LUZP2: variants seen among roughly 807,000 people sequenced by gnomAD.
LUZP2 encodes leucine zipper protein 2.
LUZP2 carries 52 observed loss-of-function variants against 51.6 expected under a neutral mutation model. The ratio of observed to expected loss-of-function variants is 1.01; its 90% CI spans 0.81 to 1.27. The LOEUF (loss-of-function observed/expected upper bound fraction) is 1.27. Ranked by LOEUF, LUZP2 falls within the 50% of genes most tolerant of loss-of-function variation. The pLI, the probability that LUZP2 is intolerant of heterozygous loss-of-function variation, is 0.00. For missense variants in LUZP2, 436 were observed against 395.4 expected (o/e 1.10, Z -0.87); for synonymous variants, 154 against 137.3 (o/e 1.12, Z -0.85).
At chr11:24,772,181 A>G (rs898983523) in intron 5 of LUZP2, among the ~76,000 whole-genome samples, 1 of 152,202 alleles carries the variant, frequency 6.6e-6, no homozygotes, top group African/African-American at 2.4e-5. Context: ...GTCCTTGACT[A>G]AAATAAAAAA....
chr11:24,948,081 C>G (rs1257472942), intron 7 of LUZP2, among the ~76,000 whole-genome samples: 1 of 151,796 alleles, frequency 6.6e-6, no homozygotes, highest in African/African-American at 2.4e-5. Context: ...TGGTGTCCCA[C>G]ATTTGAGGCA....
intron 1 of LUZP2, among the ~76,000 whole-genome samples, chr11:24,524,657 T>A (rs1850740143): frequency 6.6e-6 from 1 of 151,758 alleles, no homozygotes; most frequent in East Asian, 1.9e-4. Flanking sequence ...AGTACAGTTC[T>A]AACAAGGTGA....
chr11:24,974,009 A>T (rs372615564), intron 7 of LUZP2, among the ~76,000 whole-genome samples: 3 of 151,926 alleles, frequency 2.0e-5, no homozygotes, highest in South Asian at 2.1e-4. Context: ...TGTCTTGGTG[A>T]TGTGTCTAAT....
intron 10 of LUZP2, among the ~76,000 whole-genome samples, chr11:25,067,418 C>T (rs917254638): frequency 1.3e-5 from 2 of 151,966 alleles, no homozygotes; most frequent in African/African-American, 4.8e-5. Context: ...CTTTTGTTGT[C>T]ATTGTTTTTG....
chr11:24,652,919 T>A (rs111605346), intron 1 of LUZP2, among the ~76,000 whole-genome samples: 2 of 140,434 alleles, frequency 1.4e-5, no homozygotes, highest in Admixed American at 1.4e-4. Flanking sequence ...AATATCAAAA[T>A]TTAAGTAACC....
intron 1 of LUZP2, among the ~76,000 whole-genome samples, chr11:24,661,135 A>G (rs575135541): frequency 2.0e-5 from 3 of 151,084 alleles, no homozygotes; most frequent in Admixed American, 6.6e-5. Context: ...AACCAGAAAT[A>G]TTTGACATTG....
chr11:24,813,845 G>A lies in LUZP2; in HGVS notation c.396+50537G>A, dbSNP rs1850093164. 2.0e-5 allele frequency among the ~76,000 whole-genome samples: 3 copies of A among 152,174 alleles called. No homozygotes were observed. The South Asian group carries it at 6.2e-4, about 31-fold the overall frequency. ...ACCTGGGAGGCAGGATAGAATAGTG[G>A]TCAATGATCCCACAAACTTATGTTC... On this transcript the variant is annotated intron_variant, in intron 5 of 11. Coordinates refer to ENST00000336930, the MANE Select transcript of LUZP2 (RefSeq NM_001009909.4).
chr11:24,968,685 C>G (rs1029646112), intron 7 of LUZP2, among the ~76,000 whole-genome samples: 1 of 152,146 alleles, frequency 6.6e-6, no homozygotes, highest in African/African-American at 2.4e-5. Flanking sequence ...GGAGCCCCAC[C>G]CCTGCTCACT....
chr11:24,645,122 T>A (rs1178519959), intron 1 of LUZP2, among the ~76,000 whole-genome samples: 1 of 152,176 alleles, frequency 6.6e-6, no homozygotes. Context: ...TTGTGTCTAA[T>A]AATGACTTGA....
chr11:24,700,580 G>T (rs927699490), intron 1 of LUZP2, among the ~76,000 whole-genome samples: 1 of 150,236 alleles, frequency 6.7e-6, no homozygotes, highest in Admixed American at 6.6e-5. Context: ...CAGAAATTGT[G>T]TTTTTTTTTT....
chr11:24,715,044 T>C (rs1049863615), intron 1 of LUZP2, among the ~76,000 whole-genome samples: 1 of 152,132 alleles, frequency 6.6e-6, no homozygotes, highest in African/African-American at 2.4e-5. Context: ...AAGCAGGACC[T>C]GAGGAGTTGC....
intron 5 of LUZP2, among the ~76,000 whole-genome samples, chr11:24,810,269 T>C (rs1466181949): frequency 1.3e-5 from 2 of 152,158 alleles, no homozygotes; most frequent in African/African-American, 4.8e-5. Flanking sequence ...TTTACCCAGA[T>C]TACTGTGCAT....
chr11:24,964,733 T>C (rs902553027), intron 7 of LUZP2, among the ~76,000 whole-genome samples: 19 of 152,066 alleles, frequency 1.2e-4, no homozygotes, highest in Non-Finnish European at 2.4e-4. Flanking sequence ...ATTTTGTCCT[T>C]ATGAAATCAA....
chr11:25,076,416 C>T (rs765360397), intron 10 of LUZP2, among the ~76,000 whole-genome samples: 16 of 151,946 alleles, frequency 1.1e-4, no homozygotes, highest in Non-Finnish European at 2.1e-4. Flanking sequence ...ATATAACAAA[C>T]GCACACACAA....
chr11:24,859,690 C>T (rs780885994), intron 5 of LUZP2, among the ~76,000 whole-genome samples: 2 of 152,182 alleles, frequency 1.3e-5, no homozygotes, highest in African/African-American at 2.4e-5. Flanking sequence ...GCATGACCCA[C>T]GGAGAGAAGG....
At chr11:24,892,585 C>G (rs755281552) in intron 5 of LUZP2, 20 of 382,024 alleles carry the variant, frequency 5.2e-5, no homozygotes, top group Non-Finnish European at 7.2e-5. Flanking sequence ...TATTTCTAGT[C>G]AAGTGCTAAT....
intron 4 of LUZP2, among the ~76,000 whole-genome samples, chr11:24,758,953 T>G (rs2134024041): frequency 6.6e-6 from 1 of 152,198 alleles, no homozygotes; most frequent in Non-Finnish European, 1.5e-5. Context: ...AAAAATAAAT[T>G]AAAAAACAGT....
chr11:24,563,127 A>C (rs1852106162), intron 1 of LUZP2, among the ~76,000 whole-genome samples: 1 of 152,368 alleles, frequency 6.6e-6, no homozygotes, highest in South Asian at 2.1e-4. Context: ...AGCTTCACCC[A>C]TTCAGAAGAC....
intron 10 of LUZP2, among the ~76,000 whole-genome samples, chr11:25,073,213 C>A (rs1171231891): frequency 1.3e-5 from 2 of 152,154 alleles, no homozygotes; most frequent in Non-Finnish European, 2.9e-5. Context: ...CTTTAAAGAG[C>A]CTTGCACTGG....
Sources: allele counts gnomAD v4.1 joint callset (sites outside exome capture counted in the v4.1 genomes callset), GRCh38; gene constraint gnomAD v4.1.1; transcripts MANE v1.5; gene names NCBI Gene and HGNC (gene_info 2026-07-23, HGNC 2026-07-21).